Variants in MARCHF5 observed in about 807,000 individuals in gnomAD.
MARCHF5 encodes E3 ubiquitin-protein ligase MARCHF5.
A neutral mutation model predicts 36.5 loss-of-function variants in MARCHF5; 5 were observed. That is an observed-to-expected ratio of 0.14 (90% confidence interval 0.07 to 0.29). MARCHF5 has a LOEUF of 0.29. Among genes scored for constraint, MARCHF5 ranks in the 10% least tolerant of loss-of-function variants. The pLI, the probability that MARCHF5 is intolerant of heterozygous loss-of-function variation, is 1.00. For synonymous variants in MARCHF5, 103 were observed against 109.9 expected, an observed-to-expected ratio of 0.94 and a Z score of 0.39; for missense variants, 179 against 336.3, an observed-to-expected ratio of 0.53 and a Z score of 3.66.
At chr10:92,337,514 G>C (rs960953550) in intron 2 of MARCHF5, among the ~76,000 whole-genome samples, 1 of 151,860 alleles carries the variant, frequency 6.6e-6, no homozygotes, top group Non-Finnish European at 1.5e-5. Context: ...GCAAAACTCC[G>C]TCTCAAAAAA....
chr10:92,328,846 CTGAT>C (rs1843402845), intron 2 of MARCHF5, among the ~76,000 whole-genome samples: 2 of 123,938 alleles, frequency 1.6e-5, no homozygotes, highest in African/African-American at 6.2e-5. Flanking sequence ...ACAGGAATAT[CTGAT>C]AGATAGTTTG....
intron 1 of MARCHF5, among the ~76,000 whole-genome samples, chr10:92,298,014 A>G (rs573511970): frequency 8.4e-4 from 128 of 152,282 alleles, no homozygotes; most frequent in South Asian, 1.7e-3. Flanking sequence ...CCTGGCCAAC[A>G]TGGCGAATCC....
At chr10:92,313,597 G>A (rs957919018) in intron 2 of MARCHF5, among the ~76,000 whole-genome samples, 4 of 150,252 alleles carry the variant, frequency 2.7e-5, no homozygotes, top group Admixed American at 2.7e-4. Flanking sequence ...AGAGCGAGAC[G>A]CCGTGCTAAA....
chr10:92,316,063 A>G (rs1843205331), intron 2 of MARCHF5, among the ~76,000 whole-genome samples: 2 of 152,242 alleles, frequency 1.3e-5, no homozygotes, highest in Admixed American at 1.3e-4. Flanking sequence ...GACACTTGAT[A>G]AACACTGACT....
chr10:92,301,964 G>A (rs1401176525), intron 1 of MARCHF5, among the ~76,000 whole-genome samples: 1 of 152,116 alleles, frequency 6.6e-6, no homozygotes, highest in Non-Finnish European at 1.5e-5. Flanking sequence ...GGGAGGCTGA[G>A]GCAGGAGGAT....
intron 3 of MARCHF5, among the ~76,000 whole-genome samples, chr10:92,346,422 G>A (rs1843644476): frequency 1.3e-5 from 2 of 151,660 alleles, no homozygotes; most frequent in African/African-American, 4.8e-5. Flanking sequence ...TGAGCATGGG[G>A]CATCTCTCTT....
chr10:92,325,843 A>G (rs1843351319), intron 2 of MARCHF5, among the ~76,000 whole-genome samples: 1 of 151,942 alleles, frequency 6.6e-6, no homozygotes, highest in African/African-American at 2.4e-5. Flanking sequence ...ACACCTGGCT[A>G]ATTTTTTGTA....
At chr10:92,344,206 G>A (rs1326686279) in intron 3 of MARCHF5, among the ~76,000 whole-genome samples, 1 of 152,142 alleles carries the variant, frequency 6.6e-6, no homozygotes, top group African/African-American at 2.4e-5. Context: ...AAGGGATATA[G>A]TCCAAGACAA....
intron 3 of MARCHF5, among the ~76,000 whole-genome samples, chr10:92,347,439 C>A (rs1037230019): frequency 1.3e-5 from 2 of 151,248 alleles, no homozygotes; most frequent in African/African-American, 2.4e-5. Flanking sequence ...GAGCCAAGAT[C>A]ATGCCAAGAC....
At chr10:92,307,290 C>T (rs1311574274) in intron 1 of MARCHF5, among the ~76,000 whole-genome samples, 3 of 151,654 alleles carry the variant, frequency 2.0e-5, no homozygotes, top group Admixed American at 6.6e-5. Context: ...ATGCTGATAT[C>T]GGCCTAAAGA....
At chr10:92,300,891 C>CT (rs370507190) in intron 1 of MARCHF5, among the ~76,000 whole-genome samples, 40,102 of 127,622 alleles carry the variant, frequency 0.31, 7,699 homozygotes, top group Middle Eastern at 0.52. Context: ...CCTCCTAATT[C>CT]TTTTTTTTTT....
At chr10:92,295,416 T>A (rs1842938542) in intron 1 of MARCHF5, among the ~76,000 whole-genome samples, 1 of 145,578 alleles carries the variant, frequency 6.9e-6, no homozygotes, top group Admixed American at 6.8e-5. Context: ...TATTTTTTAT[T>A]TTTTTTTTTG....
At chr10:92,313,450 A>G (rs946107866) in intron 2 of MARCHF5, among the ~76,000 whole-genome samples, 1 of 150,690 alleles carries the variant, frequency 6.6e-6, no homozygotes, top group Non-Finnish European at 1.5e-5. Context: ...TAAAAATACA[A>G]AAAAATTAGC....
chr10:92,336,352 G>A (rs773005601), intron 2 of MARCHF5, among the ~76,000 whole-genome samples: 2 of 151,928 alleles, frequency 1.3e-5, no homozygotes, highest in Non-Finnish European at 2.9e-5. Flanking sequence ...CTTATTTTCC[G>A]ATGCAAAAAT....
intron 1 of MARCHF5, among the ~76,000 whole-genome samples, chr10:92,310,148 T>C (rs1223899760): frequency 6.6e-6 from 1 of 152,210 alleles, no homozygotes; most frequent in East Asian, 1.9e-4. Context: ...GTATATAGTC[T>C]TTCCCACTGA....
At chr10:92,294,820 T>C (rs1463890985) in intron 1 of MARCHF5, among the ~76,000 whole-genome samples, 1 of 152,178 alleles carries the variant, frequency 6.6e-6, no homozygotes, top group Non-Finnish European at 1.5e-5. Context: ...AGAGGATTGC[T>C]TGAGCCCAGG....
chr10:92,335,004 C>T (rs1843486176), intron 2 of MARCHF5, among the ~76,000 whole-genome samples: 1 of 152,114 alleles, frequency 6.6e-6, no homozygotes, highest in South Asian at 2.1e-4. Context: ...AGTTGCCATT[C>T]GTTATGTAAA....
intron 1 of MARCHF5, among the ~76,000 whole-genome samples, chr10:92,292,700 G>A (rs1842897534): frequency 6.6e-6 from 1 of 152,056 alleles, no homozygotes; most frequent in Non-Finnish European, 1.5e-5. Flanking sequence ...CCTTGTTTCA[G>A]GTCAACATCC....
At chr10:92,332,887 G>A (rs572539458) in intron 2 of MARCHF5, among the ~76,000 whole-genome samples, 27 of 151,688 alleles carry the variant, frequency 1.8e-4, no homozygotes, top group East Asian at 3.9e-4. Flanking sequence ...TTTGTTGGCC[G>A]GGTGCGGTGG....
Sources: gnomAD v4.1 joint callset for allele counts (sites outside exome capture counted in the v4.1 genomes callset) on GRCh38, gnomAD v4.1.1 for gene constraint, MANE v1.5 for transcripts, NCBI Gene and HGNC (gene_info 2026-07-23, HGNC 2026-07-21) for gene names.